Variants in XKR9 observed in about 807,000 individuals in gnomAD.
XKR9 encodes the protein XK related 9, also known as XK-related protein 9.
Under a neutral mutation model 32.0 loss-of-function variants are expected in XKR9, and 32 were observed. The ratio of observed to expected loss-of-function variants is 1.00; its 90% CI spans 0.76 to 1.34. XKR9 has a LOEUF of 1.34. XKR9 is among the 40% of genes most tolerant of loss of function. The pLI is 0.00. For missense variants in XKR9, 546 were observed against 429.7 expected (o/e 1.27, Z -2.39); for synonymous variants, 168 against 143.4 (o/e 1.17, Z -1.22).
At chr8:70,740,179 T>A (rs1407557982), downstream of XKR9, among the ~76,000 whole-genome samples, 1 of 152,166 alleles carries the variant, frequency 6.6e-6, no homozygotes, top group East Asian at 1.9e-4. Flanking sequence ...TTTTATTCTT[T>A]TTTCTCTAAA....
chr8:71,044,736 G>A, the XKR9 span, among the ~76,000 whole-genome samples: 1 of 152,100 alleles, frequency 6.6e-6, no homozygotes, highest in South Asian at 2.1e-4. Flanking sequence ...AAATTTCAGG[G>A]TAATACAAAG....
chr8:70,750,560 C>CT (rs1195214561), intron 2 of XKR9, among the ~76,000 whole-genome samples: 6 of 151,996 alleles, frequency 3.9e-5, no homozygotes, highest in Admixed American at 2.0e-4. Flanking sequence ...GGTAAAATAA[C>CT]TTTTTTTTCA....
the XKR9 span, among the ~76,000 whole-genome samples, chr8:70,966,466 C>T: frequency 6.6e-6 from 1 of 152,204 alleles, no homozygotes; most frequent in South Asian, 2.1e-4. Flanking sequence ...AATTTGATTG[C>T]ACAGTCTTGT....
chr8:70,691,881 G>C (rs887264578), intron 3 of XKR9, among the ~76,000 whole-genome samples: 3 of 152,080 alleles, frequency 2.0e-5, no homozygotes, highest in African/African-American at 7.2e-5. Context: ...GCTTAGGATT[G>C]CCTTGACTAT....
At chr8:70,697,835 G>A (rs1805343848) in intron 3 of XKR9, among the ~76,000 whole-genome samples, 1 of 151,976 alleles carries the variant, frequency 6.6e-6, no homozygotes, top group African/African-American at 2.4e-5. Flanking sequence ...TGGTTGGTAA[G>A]CTATTGATTA....
At chr8:70,821,082 G>T in the XKR9 span, among the ~76,000 whole-genome samples, 1 of 152,128 alleles carries the variant, frequency 6.6e-6, no homozygotes, top group Admixed American at 6.6e-5. Context: ...AAAATCAAAA[G>T]CAAGTTTGTT....
the XKR9 span, among the ~76,000 whole-genome samples, chr8:70,801,070 T>A: frequency 5.7e-3 from 867 of 152,064 alleles, 17 homozygotes; most frequent in African/African-American, 0.019. Flanking sequence ...TCTATTTTTT[T>A]AAAAAAATTA....
the XKR9 span, among the ~76,000 whole-genome samples, chr8:70,814,191 G>C: frequency 6.6e-6 from 1 of 152,006 alleles, no homozygotes; most frequent in East Asian, 1.9e-4. Context: ...ACTATCGCAA[G>C]GACAAAAAAC....
At chr8:70,953,059 G>A in the XKR9 span, among the ~76,000 whole-genome samples, 4 of 152,190 alleles carry the variant, frequency 2.6e-5, no homozygotes, top group South Asian at 2.1e-4. Context: ...GATGAGGACA[G>A]ATTAAAAATT....
chr8:70,875,542 C>T, the XKR9 span, among the ~76,000 whole-genome samples: 7 of 152,090 alleles, frequency 4.6e-5, no homozygotes, highest in Non-Finnish European at 1.0e-4. Context: ...AAGCTTCATT[C>T]AATTGTGTGG....
chr8:70,804,777 T>C, the XKR9 span, among the ~76,000 whole-genome samples: 1 of 152,242 alleles, frequency 6.6e-6, no homozygotes, highest in African/African-American at 2.4e-5. Context: ...TGAATGAATA[T>C]AAATTTTTTG....
At chr8:70,755,736 A>G (rs1807213362) in intron 2 of XKR9, among the ~76,000 whole-genome samples, 1 of 128,206 alleles carries the variant, frequency 7.8e-6, no homozygotes, top group Non-Finnish European at 1.6e-5. Flanking sequence ...GGGAAGGGGA[A>G]CACCACACTC....
chr8:70,967,359 A>G, the XKR9 span, among the ~76,000 whole-genome samples: 57 of 151,976 alleles, frequency 3.8e-4, no homozygotes, highest in Non-Finnish European at 5.4e-4. Context: ...ATGAGCCACC[A>G]TGCCTGGCCG....
At chr8:70,981,221 C>T in the XKR9 span, among the ~76,000 whole-genome samples, 1 of 152,120 alleles carries the variant, frequency 6.6e-6, no homozygotes, top group Admixed American at 6.5e-5. Context: ...TTGATTATTC[C>T]CTGAAATATA....
chr8:70,944,433 T>G, the XKR9 span, among the ~76,000 whole-genome samples: 1 of 152,214 alleles, frequency 6.6e-6, no homozygotes, highest in South Asian at 2.1e-4. Context: ...TGATATAAAG[T>G]TATGAGGGGA....
chr8:70,730,628 G>A (rs973036740), intron 4 of XKR9, among the ~76,000 whole-genome samples: 1 of 151,986 alleles, frequency 6.6e-6, no homozygotes, highest in South Asian at 2.1e-4. Flanking sequence ...TTCAGAGAAA[G>A]GAAAATTCAA....
the XKR9 span, among the ~76,000 whole-genome samples, chr8:71,031,826 C>T: frequency 6.6e-6 from 1 of 152,118 alleles, no homozygotes; most frequent in Non-Finnish European, 1.5e-5. Flanking sequence ...TTTTTATCAT[C>T]ACCCTAAATA....
At chr8:70,958,343 C>T in the XKR9 span, among the ~76,000 whole-genome samples, 2 of 152,204 alleles carry the variant, frequency 1.3e-5, no homozygotes, top group Non-Finnish European at 2.9e-5. Flanking sequence ...TCCTATTTCT[C>T]CACAACCTCA....
chr8:70,839,139 T>G, the XKR9 span, among the ~76,000 whole-genome samples: 1 of 152,094 alleles, frequency 6.6e-6, no homozygotes, highest in Non-Finnish European at 1.5e-5. Flanking sequence ...GAAATAATAT[T>G]GACCAATTTC....
Sources: allele counts gnomAD v4.1 joint callset (sites outside exome capture counted in the v4.1 genomes callset), GRCh38; gene constraint gnomAD v4.1.1; transcripts MANE v1.5; gene names NCBI Gene and HGNC (gene_info 2026-07-23, HGNC 2026-07-21).